Variants in PLPPR3 observed in about 807,000 individuals in gnomAD.
PLPPR3 encodes the protein phospholipid phosphatase related 3.
A neutral mutation model predicts 27.3 loss-of-function variants in PLPPR3; 14 were observed. The observed-to-expected ratio is 0.51, with a 90% confidence interval of 0.34 to 0.80. The LOEUF is 0.80. PLPPR3 is among the 30% of genes least tolerant of loss of function. The pLI is 0.01. For synonymous variants in PLPPR3, 671 were observed against 508.0 expected (o/e 1.32, Z -4.32); for missense variants, 1,287 against 1,056.9 (o/e 1.22, Z -3.02).
chr19:815,358 G>A (rs1053280300), intron 3 of PLPPR3, 31 bp from the exon 4 acceptor site: 44 of 1,513,948 alleles, frequency 2.9e-5, no homozygotes, highest in Admixed American at 1.6e-4. Flanking sequence ...CTCAGGCCTC[G>A]GTGCCCACAG....
chr19:820,524 C>T (rs1220597607), intron 2 of PLPPR3, among the ~76,000 whole-genome samples: 3 of 138,304 alleles, frequency 2.2e-5, no homozygotes, highest in African/African-American at 7.9e-5. Flanking sequence ...TTATTGTCTT[C>T]TTTTTTTTTT....
intron 2 of PLPPR3, among the ~76,000 whole-genome samples, chr19:817,105 G>T (rs2035075192): frequency 6.6e-6 from 1 of 151,312 alleles, no homozygotes; most frequent in African/African-American, 2.4e-5. Flanking sequence ...CTGCAGTGCA[G>T]TGGTGCCATC....
chr19:814,228 A>T (rs1208866113), intron 7 of PLPPR3, among the ~76,000 whole-genome samples: 1 of 71,992 alleles, frequency 1.4e-5, no homozygotes, highest in Non-Finnish European at 2.7e-5. Flanking sequence ...CCCCCCTCAG[A>T]CCCTCTGGGC....
upstream of PLPPR3, among the ~76,000 whole-genome samples, chr19:823,144 C>G (rs1227967531): frequency 1.4e-5 from 2 of 144,922 alleles, no homozygotes; most frequent in Non-Finnish European, 3.0e-5. Context: ...AACAAACAAA[C>G]AAAGAGTGAC....
In PLPPR3 at chr19:812,960, G is replaced by C; in HGVS notation, c.1767C>G (p.His589Gln). Residue 589 changes from histidine (H) to glutamine (Q), a missense_variant, in exon 8 of 8, where the codon CAC becomes CAG. Physicochemically the swap from His to Gln is conservative, Grantham distance 24. Coordinates refer to ENST00000520876, the MANE Select transcript of PLPPR3 (RefSeq NM_001270366.2). ...SIVTIDAHAP[H>Q]HPVVHLSAGG... ...CGGCCGACAGGTGCACCACGGGGTG[G>C]TGCGGCGCGTGCGCGTCGATGGTCA... 2.1e-6 allele frequency: 3 copies of C among 1,456,064 alleles called. No homozygotes were observed. The highest frequency in any genetic ancestry group is 9.0e-7 in the Non-Finnish European group (1 of 1,109,628). 90.2% of individuals were successfully genotyped at this position (1,456,064 alleles called of 1,614,324 possible).
upstream of PLPPR3, among the ~76,000 whole-genome samples, chr19:822,520 C>T (rs1262836609): frequency 6.6e-6 from 1 of 152,152 alleles, no homozygotes; most frequent in East Asian, 1.9e-4. Flanking sequence ...TCCCTCCCTT[C>T]CCCCCGCACT....
intron 2 of PLPPR3, among the ~76,000 whole-genome samples, chr19:817,393 C>A (rs111638768): frequency 6.6e-6 from 1 of 152,170 alleles, no homozygotes; most frequent in African/African-American, 2.4e-5. Flanking sequence ...CCACCTCAGC[C>A]CTCCAAGTAG....
At position 814,732 on chromosome 19, in the gene PLPPR3, T is replaced by C. The variant is rs749021841; in HGVS notation, c.617A>G (p.Gln206Arg). ...ILSARKTFPSQHATLSAFAAV... is the reference protein window; with the variant it reads ...ILSARKTFPSRHATLSAFAAV... The stretch of plus-strand genomic sequence containing the variant: ...GGCGAAGGCTGACAGCGTGGCGTGC[T>C]GGGACGGGAAGGTCTTCCTGTAAGA... Residue 206 changes from glutamine to arginine, a missense_variant, in exon 6 of 8, where the codon CAG becomes CGG. By Grantham distance (43) the Gln-to-Arg change is conservative. Coordinates refer to ENST00000520876, the MANE Select transcript of PLPPR3 (RefSeq NM_001270366.2). The C allele has an allele frequency of 1.9e-6, 3 of 1,579,388 alleles. No individual in the cohort carries two copies. The Admixed American group carries it at 5.1e-5, about 27-fold the overall frequency.
In PLPPR3 at chr19:812,722, G is replaced by A. The variant is rs891677636; in HGVS notation, c.2005C>T (p.Pro669Ser). 1.5e-5 allele frequency: 16 copies of A among 1,060,432 alleles called. No homozygotes were observed. In the African/African-American group the frequency reaches 1.7e-4, roughly 11 times the overall value. 65.7% of individuals were successfully genotyped at this position (1,060,432 alleles called of 1,614,324 possible). ...AGCGCCCCATCGGCCGCGCCCAGCG[G>A]GGGCAGCCCCTCGCCCGTGGCCAGG... ...VNLATGEGLP[P>S]LGAADGALGP... The change falls in exon 8 of 8, where the codon CCG (proline) becomes TCG (serine). Residue 669 changes from proline to serine, a missense_variant. Physicochemically the swap from Pro to Ser is moderately conservative, Grantham distance 74 (BLOSUM62 -1). Transcript: ENST00000520876.
At chr19:820,977 T>A (rs1276790189) in intron 2 of PLPPR3, among the ~76,000 whole-genome samples, 2 of 152,232 alleles carry the variant, frequency 1.3e-5, no homozygotes, top group Admixed American at 1.3e-4. Context: ...TTTATGGTCA[T>A]AAACTCCTCA....
In PLPPR3 at chr19:813,440, G is replaced by C. The variant is rs200520883; in HGVS notation, c.1287C>G (p.Pro429=). Reference sequence around the variant, plus strand: ...GTTCGGCGGGCGCGCGCAGGTGCCCGGGGCTGGCGTCGTCGGGCAGCCCCA... The same window carrying C: ...GTTCGGCGGGCGCGCGCAGGTGCCCCGGGCTGGCGTCGTCGGGCAGCCCCA... ...RGLGLPDDAS[P]GHLRAPAEPM... The change falls in exon 8 of 8, where the codon CCC becomes CCG. Residue 429 remains proline, a synonymous_variant. Transcript: ENST00000520876. The surrounding 1 kb of genome is among the most constrained non-coding windows in gnomAD (Gnocchi z 4.1). The C allele has an allele frequency of 9.1e-5, 138 of 1,520,436 alleles. No individual in the cohort carries two copies. In the African/African-American group the frequency reaches 1.8e-3, roughly 20 times the overall value. 94.2% of individuals were successfully genotyped at this position (1,520,436 alleles called of 1,614,324 possible). A position where few individuals can be genotyped will look rare whatever the true frequency, so the allele number is the denominator to read the frequency against.
chr19:812,603 G>T lies in PLPPR3; in HGVS notation c.2124C>A (p.Phe708Leu). 8.9e-7 allele frequency: 1 copy of T among 1,118,750 alleles called. No individual in the cohort carries two copies. The highest frequency in any genetic ancestry group is 1.1e-6 in the Non-Finnish European group (1 of 904,216). 69.3% of individuals were successfully genotyped at this position (1,118,750 alleles called of 1,614,324 possible). A position where few individuals can be genotyped will look rare whatever the true frequency, so the allele number is the denominator to read the frequency against. Residue 708 changes from phenylalanine (F) to leucine (L), a missense_variant, in exon 8 of 8, where the codon TTC becomes TTA. Transcript: ENST00000520876. ...REAEAEAEGY[F>L]RKMQARRFPD ...GGAAGCGGCGCGCCTGCATCTTGCG[G>T]AAGTAGCCCTCGGCCTCCGCCTCCG... is the stretch of plus-strand genomic sequence containing the variant.
intron 3 of PLPPR3, 95 bp downstream of exon 3, chr19:815,571 G>A (rs544655749): frequency 5.3e-6 from 7 of 1,325,002 alleles, no homozygotes; most frequent in African/African-American, 3.0e-5. Flanking sequence ...GATGTTCACC[G>A]ACAGGCCCCA....
rs760827894 is a variant in PLPPR3 at position 813,535 on chromosome 19, G to T, written c.1192C>A (p.Pro398Thr). The change falls in exon 8 of 8, where the codon CCG becomes ACG. Residue 398 changes from proline (P) to threonine (T), a missense_variant. Physicochemically the swap from Pro to Thr is conservative, Grantham distance 38. Transcript: ENST00000520876. The surrounding 1 kb of genome is among the most constrained non-coding windows in gnomAD (Gnocchi z 4.1). ...TGCTTGGAGCGCGAGGCGTCCAGCG[G>T]CACGTGGATGGTCATGTGGCGGCGC... ...PARRHMTIHV[P>T]LDASRSKQLI... 7.7e-6 allele frequency: 12 copies of T among 1,562,250 alleles called. No homozygotes were observed. The South Asian group carries it at 1.4e-4, about 18-fold the overall frequency.
chr19:821,434 G>T, intron 2 of PLPPR3, 51 bp downstream of exon 2: 1 of 1,475,718 alleles, frequency 6.8e-7, no homozygotes. Flanking sequence ...GTCTCTGCGG[G>T]CGGGCGGAAC....
At chr19:814,835 C>A in intron 5 of PLPPR3, 51 bp downstream of exon 5, 1 of 1,584,810 alleles carries the variant, frequency 6.3e-7, no homozygotes, top group African/African-American at 1.3e-5. Context: ...CCCGCATGTT[C>A]ACCGGGGCGG....
chr19:813,814 C>T lies in PLPPR3; in HGVS notation c.913G>A (p.Ala305Thr). The T allele has an allele frequency of 6.6e-7, 1 of 1,510,060 alleles. No individual in the cohort carries two copies. Among genetic ancestry groups the T allele is most frequent in the Non-Finnish European group, 8.8e-7 (1 of 1,136,026 alleles). The allele number at this position is 1,510,060 out of a possible 1,614,324, so 93.5% of individuals were successfully genotyped here. A position where few individuals can be genotyped will look rare whatever the true frequency, so the allele number is the denominator to read the frequency against. Residue 305 changes from alanine (A) to threonine (T), a missense_variant, in exon 8 of 8, where the codon GCC (alanine) becomes ACC (threonine). Physicochemically the swap from Ala to Thr is moderately conservative, Grantham distance 58. Coordinates refer to ENST00000520876, the MANE Select transcript of PLPPR3 (RefSeq NM_001270366.2). This position sits in a 1 kb window ranked among gnomAD's most constrained non-coding sequence, Gnocchi z 4.1. Reference protein sequence around the residue: ...APAPAKDALRALTQRGHDSVY... With the variant: ...APAPAKDALRTLTQRGHDSVY... ...GAGTCGTGGCCCCGCTGCGTCAGGG[C>T]CCGCAGCGCGTCCTTGGCGGGGGCC...
Position 814,767 on chromosome 19 carries a change from C to G in PLPPR3, c.600-18G>C. On this transcript the variant is annotated intron_variant, in intron 5 of 7. Transcript: ENST00000520876. ...AGGTCTTCCTGTAAGAGGCGTCCAGCGTGAGCCCCGCCCACCTGGGGACCC... is the reference window on the plus strand; with the variant it reads ...AGGTCTTCCTGTAAGAGGCGTCCAGGGTGAGCCCCGCCCACCTGGGGACCC... The G allele has an allele frequency of 1.3e-6, 2 of 1,560,920 alleles. No individual in the cohort carries two copies. The highest frequency in any genetic ancestry group is 1.7e-6 in the Non-Finnish European group (2 of 1,158,278).
intron 2 of PLPPR3, among the ~76,000 whole-genome samples, chr19:819,163 G>A (rs2035108089): frequency 9.8e-6 from 1 of 102,274 alleles, no homozygotes; most frequent in Non-Finnish European, 1.9e-5. Context: ...TTTTAGTAGA[G>A]GTGTGGTTTC....
Sources: gnomAD v4.1 joint callset for allele counts (sites outside exome capture counted in the v4.1 genomes callset) on GRCh38, gnomAD v4.1.1 for gene constraint, Gnocchi (gnomAD v3.1) non-coding constraint, MANE v1.5 for transcripts, NCBI Gene and HGNC (gene_info 2026-07-23, HGNC 2026-07-21) for gene names.